RBM17: variants seen among roughly 807,000 people sequenced by gnomAD.
RBM17 encodes the protein splicing factor 45.
RBM17 carries 7 observed loss-of-function variants against 53.2 expected under a neutral mutation model. That is an observed-to-expected ratio of 0.13 (90% CI 0.07 to 0.25). The LOEUF is 0.25. Ranked by LOEUF, RBM17 falls within the 10% of genes least tolerant of loss-of-function variation. RBM17 has a pLI of 1.00. For missense variants in RBM17, 257 were observed against 496.7 expected (o/e 0.52, Z 4.59); for synonymous variants, 167 against 178.1 (o/e 0.94, Z 0.50).
Position 6,111,527 on chromosome 10 carries a change from A to G in RBM17, c.705-683A>G, listed in dbSNP as rs934166774. On this transcript the variant is annotated intron_variant, in intron 7 of 11. Coordinates refer to ENST00000379888, the MANE Select transcript of RBM17 (RefSeq NM_032905.5). ...GCTAATTTTTACATTTTTAGTAGAG[A>G]TGAGGTTTCACCATGTTGGCCAGGC... 2.6e-5 allele frequency among the ~76,000 whole-genome samples: 4 copies of G among 152,136 alleles called. No individual in the cohort carries two copies. The East Asian group carries it at 5.8e-4, about 22-fold the overall frequency.
intron 5 of RBM17, among the ~76,000 whole-genome samples, chr10:6,106,533 G>A (rs41295157): frequency 5.8e-4 from 88 of 152,308 alleles, no homozygotes; most frequent in Middle Eastern, 3.4e-3. Context: ...CCAGTTGGCC[G>A]ATGCTGAATC....
At chr10:6,107,344 A>G (rs1407914465) in intron 5 of RBM17, among the ~76,000 whole-genome samples, 1 of 151,606 alleles carries the variant, frequency 6.6e-6, no homozygotes, top group Non-Finnish European at 1.5e-5. Flanking sequence ...CGCCCATCTA[A>G]TTTTTACATT....
intron 1 of RBM17, among the ~76,000 whole-genome samples, chr10:6,095,944 C>T (rs893973579): frequency 2.0e-5 from 3 of 152,156 alleles, no homozygotes; most frequent in African/African-American, 7.2e-5. Flanking sequence ...TTTTCCTCCT[C>T]TCCTGAGCCA....
chr10:6,091,443 A>G (rs12263912), intron 1 of RBM17, among the ~76,000 whole-genome samples: 5,165 of 152,252 alleles, frequency 0.034, 187 homozygotes, highest in African/African-American at 0.092. Context: ...ATTTCTTGCT[A>G]ACAAGCCTGC....
chr10:6,106,122 A>G lies in RBM17; in HGVS notation c.408-19A>G, dbSNP rs1452737839. On this transcript the variant is annotated intron_variant, in intron 4 of 11. Transcript: ENST00000379888. Reference sequence around the variant, plus strand: ...ATTGGTTCATCTGTGATGAACATTTATTTCCTTTGTTATCACAGAAGGCGT... The same window carrying G: ...ATTGGTTCATCTGTGATGAACATTTGTTTCCTTTGTTATCACAGAAGGCGT... The G allele has an allele frequency of 6.3e-7, 1 of 1,589,712 alleles. No individual in the cohort carries two copies. Among genetic ancestry groups the G allele is most frequent in the Non-Finnish European group, 8.6e-7 (1 of 1,158,332 alleles).
rs776142834 is a variant in RBM17 at position 6,115,446 on chromosome 10, C to T, written c.1103-7C>T. On this transcript the variant is annotated splice_polypyrimidine_tract_variant and splice_region_variant and intron_variant, in intron 11 of 11. Transcript: ENST00000379888. ...CCTGTATTAACTGTCTTTTGTTTGC[C>T]TTTCAGCGGTTGTTGACTTGAATGG... is the stretch of plus-strand genomic sequence containing the variant. The T allele has an allele frequency of 1.2e-6, 2 of 1,606,486 alleles. No homozygotes were observed. The highest frequency in any genetic ancestry group is 1.7e-6 in the Non-Finnish European group (2 of 1,173,060).
chr10:6,102,608 G>T (rs1030626522), intron 3 of RBM17, among the ~76,000 whole-genome samples: 1 of 152,016 alleles, frequency 6.6e-6, no homozygotes, highest in Non-Finnish European at 1.5e-5. Flanking sequence ...TCGTGTATTG[G>T]TTCTAGTACC....
At chr10:6,108,890 G>A in intron 6 of RBM17, 148 bp downstream of exon 6, 1 of 429,822 alleles carries the variant, frequency 2.3e-6, no homozygotes, top group East Asian at 3.6e-5. Context: ...GCCGCACCTG[G>A]ATCTCAGAAT....
chr10:6,108,781 G>A (rs200712961), intron 6 of RBM17, 39 bp downstream of exon 6: 8 of 1,524,474 alleles, frequency 5.2e-6, no homozygotes, highest in Non-Finnish European at 6.4e-6. Context: ...TTCTGATACA[G>A]GTCTTTAACC....
chr10:6,099,033 A>T (rs983345899), intron 2 of RBM17, among the ~76,000 whole-genome samples: 5 of 151,942 alleles, frequency 3.3e-5, no homozygotes, highest in African/African-American at 9.7e-5. Flanking sequence ...TGTTTTTTTT[A>T]AAACAAGGTT....
chr10:6,096,959 T>C (rs746381684), intron 1 of RBM17, 89 bp from the exon 2 acceptor site: 412 of 1,310,798 alleles, frequency 3.1e-4, no homozygotes, highest in Middle Eastern at 1.1e-3. Context: ...CTGGACCTTT[T>C]ACCTCTAAAA....
rs1004111519 is a variant in RBM17 at position 6,089,596 on chromosome 10, C to G, written c.-19+403C>G. ...GTCCCCCCTGGCCCTGCACGGTTGC[C>G]CCTCTCTGGGGCTCGGAGCCGGTTC... On this transcript the variant is annotated intron_variant, in intron 1 of 11. Transcript: ENST00000379888. This position sits in a 1 kb window ranked among gnomAD's most constrained non-coding sequence, Gnocchi z 5.6. The G allele has an allele frequency of 6.6e-6, 1 of 152,578 alleles. No individual in the cohort carries two copies. The highest frequency in any genetic ancestry group is 1.5e-5 in the Non-Finnish European group (1 of 68,238). The allele number at this position is 152,578 out of a possible 1,614,324, so 9.5% of individuals were successfully genotyped here.
intron 7 of RBM17, among the ~76,000 whole-genome samples, chr10:6,110,493 G>C (rs910427411): frequency 2.0e-5 from 3 of 152,126 alleles, no homozygotes; most frequent in Non-Finnish European, 4.4e-5. Flanking sequence ...TCCTGATAAA[G>C]TGGGCCATTT....
Position 6,089,402 on chromosome 10 carries a change from C to G in RBM17, c.-19+209C>G, listed in dbSNP as rs1421923973. The G allele has an allele frequency of 6.5e-6, 1 of 153,202 alleles. No homozygotes were observed. Among genetic ancestry groups the G allele is most frequent in the Admixed American group, 6.5e-5 (1 of 15,290 alleles). The allele number at this position is 153,202 out of a possible 1,614,324, so 9.5% of individuals were successfully genotyped here. A position where few individuals can be genotyped will look rare whatever the true frequency, so the allele number is the denominator to read the frequency against. On this transcript the variant is annotated intron_variant, in intron 1 of 11. Transcript: ENST00000379888. This position sits in a 1 kb window ranked among gnomAD's most constrained non-coding sequence, Gnocchi z 5.6. Reference sequence around the variant, plus strand: ...CGGCTGCGGCCCGGTACCCTCCGCCCGCCGCCGCCTCTGGTGACCCTGGCC... The same window carrying G: ...CGGCTGCGGCCCGGTACCCTCCGCCGGCCGCCGCCTCTGGTGACCCTGGCC...
chr10:6,113,613 T>A lies in RBM17; in HGVS notation c.930+32T>A, dbSNP rs775894674. The A allele has an allele frequency of 5.8e-5, 83 of 1,443,286 alleles. No homozygotes were observed. In the Middle Eastern group the frequency reaches 8.7e-4, roughly 15 times the overall value. The allele number at this position is 1,443,286 out of a possible 1,614,324, so 89.4% of individuals were successfully genotyped here. A position where few individuals can be genotyped will look rare whatever the true frequency, so the allele number is the denominator to read the frequency against. On this transcript the variant is annotated intron_variant, in intron 9 of 11. Transcript: ENST00000379888. ...AGCTGAGGAAAGCAAGCTCTCTGCC[T>A]GCCTAGATTTGTGTGTGTCACCCCA...
chr10:6,097,616 AGCC>A (rs1339102844), intron 2 of RBM17, among the ~76,000 whole-genome samples: 1 of 152,206 alleles, frequency 6.6e-6, no homozygotes, highest in Non-Finnish European at 1.5e-5. Flanking sequence ...GCTTGCAGTG[AGCC>A]GAGATCGCGC....
chr10:6,101,139 G>T (rs915725126), intron 2 of RBM17, 132 bp from the exon 3 acceptor site: 2 of 485,266 alleles, frequency 4.1e-6, no homozygotes, highest in African/African-American at 4.0e-5. Flanking sequence ...TTAAAAGGCT[G>T]TTGTTTTGAG....
At chr10:6,100,789 GA>G (rs1840658515) in intron 2 of RBM17, among the ~76,000 whole-genome samples, 1 of 152,186 alleles carries the variant, frequency 6.6e-6, no homozygotes, top group African/African-American at 2.4e-5. Context: ...TCTGACAGGA[GA>G]ATGTCCACGG....
intron 5 of RBM17, among the ~76,000 whole-genome samples, chr10:6,108,029 T>C (rs1161959641): frequency 6.6e-6 from 1 of 152,200 alleles, no homozygotes; most frequent in African/African-American, 2.4e-5. Flanking sequence ...TTATCTCTTT[T>C]GGTTTGTTTG....
Sources: gnomAD v4.1 joint callset for allele counts (sites outside exome capture counted in the v4.1 genomes callset) on GRCh38, gnomAD v4.1.1 for gene constraint, Gnocchi (gnomAD v3.1) non-coding constraint, MANE v1.5 for transcripts, NCBI Gene and HGNC (gene_info 2026-07-23, HGNC 2026-07-21) for gene names.